The following FAM8A1 variants were observed in gnomAD, a reference collection of about 807,000 sequenced individuals.
The protein encoded by FAM8A1 is family with sequence similarity 8 member A1.
FAM8A1 carries 18 observed loss-of-function variants against 38.3 expected under a neutral mutation model. The ratio of observed to expected loss-of-function variants is 0.47; its 90% CI spans 0.33 to 0.70. The LOEUF is 0.70. Among genes scored for constraint, FAM8A1 ranks in the 30% least tolerant of loss-of-function variants. The pLI, the probability that FAM8A1 is intolerant of heterozygous loss-of-function variation, is 0.03. For missense variants in FAM8A1, 559 were observed against 559.6 expected (o/e 1.00, Z 0.01); for synonymous variants, 246 against 234.4 (o/e 1.05, Z -0.45).
intron 3 of FAM8A1, 86 bp downstream of exon 3, chr6:17,605,115 C>G (rs1450838483): frequency 3.2e-6 from 4 of 1,265,568 alleles, no homozygotes; most frequent in Non-Finnish European, 4.3e-6. Flanking sequence ...GAGTCTCGCT[C>G]TGTCACCCAG....
rs1313162315 is a variant in FAM8A1, at chr6:17,608,481, G to A, written c.*142G>A. On this transcript the variant is annotated 3_prime_UTR_variant, in exon 5 of 5. Transcript: ENST00000259963. ...TGCAGGTGACTACTCTGAAAGTATT[G>A]ATTATACTTGAATGCCAAAGAACTT... 1.2e-6 allele frequency: 1 copy of A among 819,556 alleles called. No homozygotes were observed. Among genetic ancestry groups the A allele is most frequent in the Non-Finnish European group, 1.7e-6 (1 of 578,250 alleles). The allele number at this position is 819,556 out of a possible 1,614,324, so 50.8% of individuals were successfully genotyped here.
chr6:17,605,423 C>T (rs912893503), intron 3 of FAM8A1, among the ~76,000 whole-genome samples: 13 of 152,116 alleles, frequency 8.5e-5, no homozygotes, highest in Non-Finnish European at 1.6e-4. Context: ...AAAAAGTAAT[C>T]GAAATTTATA....
intron 2 of FAM8A1, among the ~76,000 whole-genome samples, chr6:17,604,575 C>T (rs1764027642): frequency 6.6e-6 from 1 of 152,108 alleles, no homozygotes; most frequent in Non-Finnish European, 1.5e-5. Context: ...TCCATAGTAT[C>T]CTAGGTTCCC....
chr6:17,610,968 GTAAGCC>G lies in FAM8A1; in HGVS notation c.*2631_*2636del, dbSNP rs1561843045. On this transcript the variant is annotated 3_prime_UTR_variant, in exon 5 of 5. Coordinates refer to ENST00000259963, the MANE Select transcript of FAM8A1 (RefSeq NM_016255.3). ...CATTAACTTGGGAGCCAAGAGCTGGGTAAGCCTTACCTTTAGACTACTCTGTGACTA... is the reference window on the plus strand; with the variant it reads ...CATTAACTTGGGAGCCAAGAGCTGGGTTACCTTTAGACTACTCTGTGACTA... The G allele has an allele frequency of 6.6e-6, 1 of 152,112 alleles. No individual in the cohort carries two copies. The highest frequency in any genetic ancestry group is 1.5e-5 in the Non-Finnish European group (1 of 67,984). 9.4% of individuals were successfully genotyped at this position (152,112 alleles called of 1,614,324 possible).
chr6:17,608,902 C>T lies in FAM8A1; in HGVS notation c.*563C>T, dbSNP rs1764096339. ...TGAGGCAGGCCTAGCAGTTCCCTTA[C>T]CTGAAGTTTTCAAATCCATACTGCA... On this transcript the variant is annotated 3_prime_UTR_variant, in exon 5 of 5. Coordinates refer to ENST00000259963, the MANE Select transcript of FAM8A1 (RefSeq NM_016255.3). 1 of 152,160 alleles carries T rather than the reference C, an allele frequency of 6.6e-6. No homozygotes were observed. Among genetic ancestry groups the T allele is most frequent in the African/African-American group, 2.4e-5 (1 of 41,434 alleles). 9.4% of individuals were successfully genotyped at this position (152,160 alleles called of 1,614,324 possible). A position where few individuals can be genotyped will look rare whatever the true frequency, so the allele number is the denominator to read the frequency against.
rs1764106563 is a variant in FAM8A1, at chr6:17,609,441, T to C, written c.*1102T>C. 6.6e-6 allele frequency: 1 copy of C among 152,202 alleles called. No individual in the cohort carries two copies. Among genetic ancestry groups the C allele is most frequent in the African/African-American group, 2.4e-5 (1 of 41,458 alleles). 9.4% of individuals were successfully genotyped at this position (152,202 alleles called of 1,614,324 possible). A position where few individuals can be genotyped will look rare whatever the true frequency, so the allele number is the denominator to read the frequency against. ...TTAGCAATTTTCCCATTATGGACTA[T>C]TCTCTCTAAAGCAAGAGAGACTAGC... On this transcript the variant is annotated 3_prime_UTR_variant, in exon 5 of 5. Coordinates refer to ENST00000259963, the MANE Select transcript of FAM8A1 (RefSeq NM_016255.3).
intron 1 of FAM8A1, among the ~76,000 whole-genome samples, chr6:17,601,444 A>G (rs1763984789): frequency 6.6e-6 from 1 of 152,208 alleles, no homozygotes; most frequent in African/African-American, 2.4e-5. Flanking sequence ...GGCCAAAGCT[A>G]AATTCGCAAA....
Position 17,602,575 on chromosome 6 carries a change from T to A in FAM8A1, c.713-15T>A, listed in dbSNP as rs575908179. 1 of 1,535,184 alleles carries A rather than the reference T, an allele frequency of 6.5e-7. No homozygotes were observed. The highest frequency in any genetic ancestry group is 1.2e-5 in the South Asian group (1 of 82,214). ...GATTCGTTTTTCCTAACTTTTTTTTTTTTTTAATTTACAGGCAGAGAATAT... is the reference window on the plus strand; with the variant it reads ...GATTCGTTTTTCCTAACTTTTTTTTATTTTTAATTTACAGGCAGAGAATAT... On this transcript the variant is annotated splice_polypyrimidine_tract_variant and intron_variant, in intron 1 of 4. Transcript: ENST00000259963.
In FAM8A1 at chr6:17,600,750, C is replaced by T; in HGVS notation, c.341C>T (p.Ser114Phe). ...GCTCGGCTGAGCGCCCGCGAGTACT[C>T]CCGGCAAGTGCACGAGTGGCTGTGG... is the stretch of plus-strand genomic sequence containing the variant. ...RPARLSAREY[S>F]RQVHEWLWQS... Residue 114 changes from serine to phenylalanine, a missense_variant, in exon 1 of 5, where the codon TCC becomes TTC. Around this residue, in one of 2 missense-constraint regions of FAM8A1, gnomAD observed 393 missense variants for 338.9 expected, o/e 1.16. Transcript: ENST00000259963. 6.4e-7 allele frequency: 1 copy of T among 1,573,296 alleles called. No individual in the cohort carries two copies. Among genetic ancestry groups the T allele is most frequent in the Non-Finnish European group, 8.6e-7 (1 of 1,162,068 alleles).
chr6:17,608,085 A>G, intron 4 of FAM8A1, 110 bp from the exon 5 acceptor site: 1 of 1,159,884 alleles, frequency 8.6e-7, no homozygotes, highest in East Asian at 2.4e-5. Context: ...AGACTTCTGT[A>G]GAGAAGTACA....
chr6:17,600,527 C>G lies in FAM8A1; in HGVS notation c.118C>G (p.Arg40Gly). The change falls in exon 1 of 5, where the codon CGC becomes GGC. Residue 40 changes from arginine to glycine, a missense_variant. Transcript: ENST00000259963. ...GPPTTAVPCP[R>G]DDPQAEPQAP... The stretch of plus-strand genomic sequence containing the variant: ...TCCTACCACCGCCGTCCCATGCCCC[C>G]GCGACGACCCCCAGGCCGAACCCCA... The G allele has an allele frequency of 6.5e-7, 1 of 1,533,900 alleles. No homozygotes were observed. Among genetic ancestry groups the G allele is most frequent in the Non-Finnish European group, 8.7e-7 (1 of 1,144,712 alleles).
Position 17,604,914 on chromosome 6 carries a change from C to T in FAM8A1, c.842C>T (p.Ser281Phe), listed in dbSNP as rs1316067047. Residue 281 changes from serine to phenylalanine, a missense_variant, in exon 3 of 5, where the codon TCT becomes TTT. Ser to Phe is a radical substitution (Grantham distance 155). Coordinates refer to ENST00000259963, the MANE Select transcript of FAM8A1 (RefSeq NM_016255.3). ...IMHLSGIKDI[S>F]KFAMHYIIEE... ...ACTATTATTTTGTGTAGGGATATCT[C>T]TAAGTTTGCTATGCATTATATAATA... The T allele has an allele frequency of 6.3e-7, 1 of 1,587,382 alleles. No individual in the cohort carries two copies. The highest frequency in any genetic ancestry group is 8.6e-7 in the Non-Finnish European group (1 of 1,166,698).
intron 2 of FAM8A1, among the ~76,000 whole-genome samples, chr6:17,603,588 C>CT (rs1764014622): frequency 6.6e-6 from 1 of 151,842 alleles, no homozygotes. Context: ...GATCATTTTT[C>CT]TTTTTTTGAG....
intron 1 of FAM8A1, among the ~76,000 whole-genome samples, chr6:17,601,598 G>A (rs544561115): frequency 6.6e-6 from 1 of 152,346 alleles, no homozygotes; most frequent in Middle Eastern, 3.4e-3. Flanking sequence ...TTGGGTCAAA[G>A]CTTCACTTCA....
chr6:17,605,533 T>G (rs1764041243), intron 3 of FAM8A1, among the ~76,000 whole-genome samples: 1 of 152,234 alleles, frequency 6.6e-6, no homozygotes, highest in South Asian at 2.1e-4. Context: ...ATTTTACAAT[T>G]TCTTTGTAAT....
chr6:17,609,087 G>C lies in FAM8A1; in HGVS notation c.*748G>C, dbSNP rs1409510205. 1 of 152,024 alleles carries C rather than the reference G, an allele frequency of 6.6e-6. No homozygotes were observed. Among genetic ancestry groups the C allele is most frequent in the Non-Finnish European group, 1.5e-5 (1 of 68,000 alleles). The allele number at this position is 152,024 out of a possible 1,614,324, so 9.4% of individuals were successfully genotyped here. On this transcript the variant is annotated 3_prime_UTR_variant, in exon 5 of 5. Transcript: ENST00000259963. ...AGTTAGTGATTACTGTTAATGGTGG[G>C]GGAGTAAGTTTTCACTGTAAATTGA...
At chr6:17,605,080 T>C (rs892070763) in intron 3 of FAM8A1, 51 bp downstream of exon 3, 3 of 1,527,444 alleles carry the variant, frequency 2.0e-6, no homozygotes, top group Non-Finnish European at 1.8e-6. Flanking sequence ...TAATTTTATG[T>C]TTTTACATTT....
rs765431891 is a variant in FAM8A1, at chr6:17,600,941, C to T, written c.532C>T (p.Leu178=). The T allele has an allele frequency of 1.3e-6, 2 of 1,593,024 alleles. No homozygotes were observed. Among genetic ancestry groups the T allele is most frequent in the South Asian group, 1.1e-5 (1 of 89,630 alleles). The change falls in exon 1 of 5, where the codon CTG becomes TTG. Residue 178 remains leucine, a synonymous_variant. Coordinates refer to ENST00000259963, the MANE Select transcript of FAM8A1 (RefSeq NM_016255.3). ...QLGYYNPFYF[L]SPGAAGPDPR... Reference sequence around the variant, plus strand: ...GGGCTATTACAACCCCTTCTACTTCCTGAGCCCCGGGGCCGCGGGGCCTGA... The same window carrying T: ...GGGCTATTACAACCCCTTCTACTTCTTGAGCCCCGGGGCCGCGGGGCCTGA...
chr6:17,606,284 T>C (rs1036468188), intron 4 of FAM8A1, among the ~76,000 whole-genome samples: 37 of 150,420 alleles, frequency 2.5e-4, no homozygotes, highest in African/African-American at 8.8e-4. Context: ...CACTGCAGGC[T>C]CCGCCTCCCA....
Sources: allele counts gnomAD v4.1 joint callset (sites outside exome capture counted in the v4.1 genomes callset), GRCh38; gene constraint gnomAD v4.1.1; regional missense constraint gnomAD v4.1.1; transcripts MANE v1.5; gene names NCBI Gene and HGNC (gene_info 2026-07-23, HGNC 2026-07-21).